DNMT3A: variants seen among roughly 807,000 people sequenced by gnomAD.
DNMT3A encodes the protein DNA (cytosine-5)-methyltransferase 3A.
A neutral mutation model predicts 117.6 loss-of-function variants in DNMT3A; 267 were observed. The observed-to-expected ratio is 2.27, with a 90% CI of 2.05 to 2.51. The LOEUF is 2.51. Ranked by LOEUF, DNMT3A falls within the 30% of genes most tolerant of loss-of-function variation. DNMT3A has a pLI of 0.00. For synonymous variants in DNMT3A, 432 were observed against 474.8 expected, an observed-to-expected ratio of 0.91 and a Z score of 1.17; for missense variants, 1,029 against 1,260.2, an observed-to-expected ratio of 0.82 and a Z score of 2.78.
In DNMT3A at chr2:25,247,926, G is replaced by A; in HGVS notation, c.855+111C>T. 1 of 1,537,198 alleles carries A rather than the reference G, an allele frequency of 6.5e-7. No homozygotes were observed. The highest frequency in any genetic ancestry group is 8.8e-7 in the Non-Finnish European group (1 of 1,137,392). The stretch of plus-strand genomic sequence containing the variant: ...GAGACGAAGAGGCCCGGGGTCAGGT[G>A]GAGAGAGCGAGCGGCCCGTGGGAGA... On this transcript the variant is annotated intron_variant, in intron 7 of 22. Coordinates refer to ENST00000321117, the MANE Select transcript of DNMT3A (RefSeq NM_022552.5). The surrounding 1 kb of genome is among the most constrained non-coding windows in gnomAD (Gnocchi z 5.6).
At chr2:25,317,790 C>T (rs1573488335) in intron 1 of DNMT3A, among the ~76,000 whole-genome samples, 1 of 152,016 alleles carries the variant, frequency 6.6e-6, no homozygotes, top group Admixed American at 6.5e-5. Context: ...GGCTGGAGTG[C>T]AATGCCGCGA....
chr2:25,234,099 T>C lies in DNMT3A; in HGVS notation c.*180A>G. 1 of 970,202 alleles carries C rather than the reference T, an allele frequency of 1.0e-6. No individual in the cohort carries two copies. The highest frequency in any genetic ancestry group is 2.3e-5 in the South Asian group (1 of 44,290). The allele number at this position is 970,202 out of a possible 1,614,324, so 60.1% of individuals were successfully genotyped here. Reference sequence around the variant, plus strand: ...AAAATCAGGAGATGATGTCCAACCCTTTTCGCAAGGCAAAGCCCTCCGGTA... The same window carrying C: ...AAAATCAGGAGATGATGTCCAACCCCTTTCGCAAGGCAAAGCCCTCCGGTA... On this transcript the variant is annotated 3_prime_UTR_variant, in exon 23 of 23. Coordinates refer to ENST00000321117, the MANE Select transcript of DNMT3A (RefSeq NM_022552.5). The surrounding 1 kb of genome is among the most constrained non-coding windows in gnomAD (Gnocchi z 4.5).
At chr2:25,243,776 T>C (rs150740377) in intron 16 of DNMT3A, 122 bp downstream of exon 16, 24 of 1,093,872 alleles carry the variant, frequency 2.2e-5, no homozygotes, top group Admixed American at 2.1e-4. Flanking sequence ...GCTTCCCCTT[T>C]GGGATAATAT....
At chr2:25,261,194 T>G (rs1350378329) in intron 6 of DNMT3A, among the ~76,000 whole-genome samples, 3 of 151,622 alleles carry the variant, frequency 2.0e-5, no homozygotes, top group Non-Finnish European at 4.4e-5. Flanking sequence ...ATCCCAGCAC[T>G]TTGGGAGGCT....
intron 1 of DNMT3A, among the ~76,000 whole-genome samples, chr2:25,341,065 CCCGCCGGCG>C (rs1482387010): frequency 6.9e-6 from 1 of 145,878 alleles, no homozygotes; most frequent in African/African-American, 2.5e-5. Flanking sequence ...CCCTCCCGGC[CCCGCCGGCG>C]CCCCGCACCC....
At position 25,228,290 on chromosome 2, in the gene DNMT3A, A is replaced by T. The variant is rs1271639103; in HGVS notation, c.*5989T>A. Reference sequence around the variant, plus strand: ...AGGATGCTGGAACCAGGAAAAAAAAATAATAATAATAAAGGAGAAAAGAGG... The same window carrying T: ...AGGATGCTGGAACCAGGAAAAAAAATTAATAATAATAAAGGAGAAAAGAGG... On this transcript the variant is annotated 3_prime_UTR_variant, in exon 23 of 23. Coordinates refer to ENST00000321117, the MANE Select transcript of DNMT3A (RefSeq NM_022552.5). The T allele has an allele frequency of 2.0e-5, 3 of 149,718 alleles. No homozygotes were observed. The highest frequency in any genetic ancestry group is 7.4e-5 in the African/African-American group (3 of 40,710). 9.3% of individuals were successfully genotyped at this position (149,718 alleles called of 1,614,324 possible).
intron 3 of DNMT3A, among the ~76,000 whole-genome samples, chr2:25,295,818 A>G (rs1224172300): frequency 6.6e-6 from 1 of 152,132 alleles, no homozygotes; most frequent in Non-Finnish European, 1.5e-5. Context: ...CCCCTGTAAA[A>G]CGCCTTTGTA....
Position 25,243,922 on chromosome 2 carries a change from A to T in DNMT3A, c.1912T>A (p.Ser638Thr). Residue 638 changes from serine (S) to threonine (T), a missense_variant, in exon 16 of 23, where the codon TCT becomes ACT. Transcript: ENST00000321117. The part of the protein sequence containing the change: ...AEKRKPIRVL[S>T]LFDGIATGLL... ...CCTGTAGCGATTCCATCAAAGAGAG[A>T]CAGCACCCGGATGGGCTTCCTCTTC... The T allele has an allele frequency of 1.3e-6, 2 of 1,552,104 alleles. No individual in the cohort carries two copies. The highest frequency in any genetic ancestry group is 1.7e-6 in the Non-Finnish European group (2 of 1,147,112).
At chr2:25,261,087 A>C (rs1676561522) in intron 6 of DNMT3A, among the ~76,000 whole-genome samples, 1 of 152,154 alleles carries the variant, frequency 6.6e-6, no homozygotes, top group Non-Finnish European at 1.5e-5. Context: ...TGAGGTCAGG[A>C]GTTCGAGACC....
intron 3 of DNMT3A, among the ~76,000 whole-genome samples, chr2:25,288,548 G>A (rs2032500482): frequency 6.6e-6 from 1 of 152,048 alleles, no homozygotes; most frequent in South Asian, 2.1e-4. Context: ...CTGACTTCAT[G>A]ATCCACCCAC....
chr2:25,326,927 T>C (rs1306523824), intron 1 of DNMT3A, among the ~76,000 whole-genome samples: 1 of 152,220 alleles, frequency 6.6e-6, no homozygotes, highest in Admixed American at 6.5e-5. Flanking sequence ...TCCAGCAAGA[T>C]ACCTCCCACA....
intron 1 of DNMT3A, among the ~76,000 whole-genome samples, chr2:25,321,979 G>T (rs1573494866): frequency 6.6e-6 from 1 of 152,308 alleles, no homozygotes; most frequent in Non-Finnish European, 1.5e-5. Context: ...GGTTGGACAT[G>T]TAAGAGGATC....
At position 25,239,069 on chromosome 2, in the gene DNMT3A, A is replaced by G. The variant is rs557269514; in HGVS notation, c.2408+61T>C. 1.0e-5 allele frequency: 15 copies of G among 1,499,880 alleles called. No individual in the cohort carries two copies. The East Asian group carries it at 2.0e-4, about 20-fold the overall frequency. The allele number at this position is 1,499,880 out of a possible 1,614,324, so 92.9% of individuals were successfully genotyped here. On this transcript the variant is annotated intron_variant, in intron 20 of 22. Coordinates refer to ENST00000321117, the MANE Select transcript of DNMT3A (RefSeq NM_022552.5). ...GGCCCGGCTCAGGGGCTTCCCCACT[A>G]TGGGTCATCCCACCTGCAGTCCCAG... is the stretch of plus-strand genomic sequence containing the variant.
chr2:25,258,737 A>G (rs891477539), intron 6 of DNMT3A, among the ~76,000 whole-genome samples: 2 of 152,242 alleles, frequency 1.3e-5, no homozygotes, highest in Non-Finnish European at 2.9e-5. Flanking sequence ...AAGAGCGGAA[A>G]CTAGGAATGG....
chr2:25,283,322 A>G (rs2032033640), intron 3 of DNMT3A, among the ~76,000 whole-genome samples: 1 of 143,674 alleles, frequency 7.0e-6, no homozygotes, highest in South Asian at 2.2e-4. Flanking sequence ...AGATCACGCC[A>G]TTGCACTCCA....
intron 1 of DNMT3A, among the ~76,000 whole-genome samples, chr2:25,336,213 T>C (rs2035210068): frequency 6.6e-6 from 1 of 152,200 alleles, no homozygotes; most frequent in African/African-American, 2.4e-5. Flanking sequence ...CCCTCTGGGT[T>C]GGTGGCTCGG....
chr2:25,320,512 A>G (rs906725163), intron 1 of DNMT3A, among the ~76,000 whole-genome samples: 13 of 152,212 alleles, frequency 8.5e-5, no homozygotes, highest in Admixed American at 2.6e-4. Context: ...AGTTAAAAAG[A>G]AAAAAAGAAA....
chr2:25,247,126 C>T lies in DNMT3A; in HGVS notation c.1047G>A (p.Ser349=), dbSNP rs375328501. 12 of 1,614,076 alleles carry T rather than the reference C, an allele frequency of 7.4e-6. No homozygotes were observed. Among genetic ancestry groups the T allele is most frequent in the Admixed American group, 5.0e-5 (3 of 60,014 alleles). The change falls in exon 9 of 23, where the codon TCG becomes TCA. Residue 349 remains serine (S), a synonymous_variant. Transcript: ENST00000321117. The surrounding 1 kb of genome is among the most constrained non-coding windows in gnomAD (Gnocchi z 5.6). The part of the protein sequence containing the change: ...VCVEKLMPLS[S]FCSAFHQATY... ...TGGCCTGGTGGAACGCACTGCAAAACGAGCTCAGCGGCATCAGCTTCTCAA... is the reference window on the plus strand; with the variant it reads ...TGGCCTGGTGGAACGCACTGCAAAATGAGCTCAGCGGCATCAGCTTCTCAA...
intron 6 of DNMT3A, among the ~76,000 whole-genome samples, chr2:25,253,015 G>C (rs1324279684): frequency 6.6e-6 from 1 of 152,136 alleles, no homozygotes; most frequent in Non-Finnish European, 1.5e-5. Flanking sequence ...GGCCTTCCCT[G>C]GATTTCTCAT....
Sources: allele counts gnomAD v4.1 joint callset (sites outside exome capture counted in the v4.1 genomes callset), GRCh38; gene constraint gnomAD v4.1.1; non-coding constraint Gnocchi (gnomAD v3.1); transcripts MANE v1.5; gene names NCBI Gene and HGNC (gene_info 2026-07-23, HGNC 2026-07-21).